BBC3: variants seen among roughly 807,000 people sequenced by gnomAD.
BBC3 encodes bcl-2-binding component 3.
In BBC3, 5 loss-of-function variants were observed where a neutral mutation model predicts 18.2. The observed-to-expected ratio is 0.27, with a 90% CI of 0.14 to 0.58. BBC3 has a LOEUF of 0.58. BBC3 is among the 20% of genes least tolerant of loss of function. The probability of loss-of-function intolerance (pLI) is 0.91; values close to 1 mark genes in which losing one functional copy is unlikely to be tolerated. For missense variants in BBC3, 224 were observed against 268.9 expected (o/e 0.83, Z 1.17); for synonymous variants, 119 against 128.0 (o/e 0.93, Z 0.47).
intron 3 of BBC3, among the ~76,000 whole-genome samples, chr19:47,225,925 T>C (rs2058811236): frequency 1.3e-5 from 2 of 152,218 alleles, no homozygotes; most frequent in Admixed American, 6.5e-5. Context: ...CATGCGTTTC[T>C]GCGGTTTTGT....
rs193069320 is a variant in BBC3 at position 47,227,833 on chromosome 19, G to A, written c.274+325C>T. 2.0e-5 allele frequency among the ~76,000 whole-genome samples: 3 copies of A among 152,296 alleles called. No individual in the cohort carries two copies. The East Asian group carries it at 5.8e-4, about 29-fold the overall frequency. ...GCTCGGCCCACTCTCCCTGCAACAG[G>A]AATCCTCCAGGGGGTCTAGAGGACC... On this transcript the variant is annotated intron_variant, in intron 2 of 3. Transcript: ENST00000439096.
rs769350616 is a variant in BBC3 at position 47,230,756 on chromosome 19, C to T, written c.-16+173G>A. 1 of 985,208 alleles carries T rather than the reference C, an allele frequency of 1.0e-6. No individual in the cohort carries two copies. Among genetic ancestry groups the T allele is most frequent in the South Asian group, 4.7e-5 (1 of 21,292 alleles). The allele number at this position is 985,208 out of a possible 1,614,324, so 61.0% of individuals were successfully genotyped here. A position where few individuals can be genotyped will look rare whatever the true frequency, so the allele number is the denominator to read the frequency against. On this transcript the variant is annotated intron_variant, in intron 1 of 3. Transcript: ENST00000439096. This position sits in a 1 kb window ranked among gnomAD's most constrained non-coding sequence, Gnocchi z 6.7. ...CCAGACCGGCGCCCCAACGCCGAGC[C>T]GCCTCTCACCCGGCGACCCTGGCCC...
intron 2 of BBC3, among the ~76,000 whole-genome samples, chr19:47,227,784 GA>G (rs2058854561): frequency 3.9e-5 from 6 of 152,112 alleles, no homozygotes; most frequent in Non-Finnish European, 8.8e-5. Context: ...CCCCTCCCCA[GA>G]GGCCAGAGTT....
chr19:47,227,355 C>T (rs558729814), intron 2 of BBC3, among the ~76,000 whole-genome samples: 4 of 150,626 alleles, frequency 2.7e-5, no homozygotes, highest in African/African-American at 9.7e-5. Flanking sequence ...GAGGCTCCTG[C>T]CCTCCCGTCC....
At position 47,228,777 on chromosome 19, in the gene BBC3, C is replaced by G. The variant is rs2058873569; in HGVS notation, c.-15-331G>C. On this transcript the variant is annotated intron_variant, in intron 1 of 3. Transcript: ENST00000439096. The surrounding 1 kb of genome is among the most constrained non-coding windows in gnomAD (Gnocchi z 5.5). ...GGCTGTGACAGTCCCACAACACAAA[C>G]TCACTCCACTTGGGACTCACAGCAT... Among the ~76,000 whole-genome samples, 1 of 152,026 alleles carries G rather than the reference C, an allele frequency of 6.6e-6. No homozygotes were observed.
chr19:47,231,373 G>A (rs2058913877), upstream of BBC3, among the ~76,000 whole-genome samples: 1 of 152,028 alleles, frequency 6.6e-6, no homozygotes, highest in Admixed American at 6.5e-5. This position sits in a 1 kb window ranked among gnomAD's most constrained non-coding sequence, Gnocchi z 4.0. Context: ...CTCCGCGCCG[G>A]GGGTTTCCCT....
rs1173846661 is a variant in BBC3, at chr19:47,231,087, T to G, written c.-174A>C. 10 of 965,780 alleles carry G rather than the reference T, an allele frequency of 1.0e-5. No individual in the cohort carries two copies. The African/African-American group carries it at 1.6e-4, about 15-fold the overall frequency. 59.8% of individuals were successfully genotyped at this position (965,780 alleles called of 1,614,324 possible). ...CAGTGGCGGCTGCTGTGGCTGTGGC[T>G]GCTGCTGCTCCCCGGGCCGCAGGCG... is the stretch of plus-strand genomic sequence containing the variant. On this transcript the variant is annotated 5_prime_UTR_variant, in exon 1 of 4. Transcript: ENST00000439096. The surrounding 1 kb of genome is among the most constrained non-coding windows in gnomAD (Gnocchi z 4.0).
rs1364809309 is a variant in BBC3, at chr19:47,228,795, C to CA, written c.-15-350dup. Among the ~76,000 whole-genome samples the CA allele has an allele frequency of 1.3e-5, 2 of 151,910 alleles. No individual in the cohort carries two copies. Among genetic ancestry groups the CA allele is most frequent in the African/African-American group, 4.8e-5 (2 of 41,314 alleles). ...ACACAAACTCACTCCACTTGGGACTCACAGCATGGGCTGGTGGGGACAACT... is the reference window on the plus strand; with the variant it reads ...ACACAAACTCACTCCACTTGGGACTCAACAGCATGGGCTGGTGGGGACAACT... On this transcript the variant is annotated intron_variant, in intron 1 of 3. Transcript: ENST00000439096. The surrounding 1 kb of genome is among the most constrained non-coding windows in gnomAD (Gnocchi z 5.5).
intron 3 of BBC3, among the ~76,000 whole-genome samples, chr19:47,225,776 C>G (rs2058808663): frequency 6.6e-6 from 1 of 152,124 alleles, no homozygotes; most frequent in Admixed American, 6.6e-5. Flanking sequence ...TAAGAATGCT[C>G]CATGATTCTA....
Position 47,230,678 on chromosome 19 carries a change from C to T in BBC3, c.-16+251G>A. 2 of 958,140 alleles carry T rather than the reference C, an allele frequency of 2.1e-6. No homozygotes were observed. Among genetic ancestry groups the T allele is most frequent in the Non-Finnish European group, 2.5e-6 (2 of 805,162 alleles). 59.4% of individuals were successfully genotyped at this position (958,140 alleles called of 1,614,324 possible). A position where few individuals can be genotyped will look rare whatever the true frequency, so the allele number is the denominator to read the frequency against. Reference sequence around the variant, plus strand: ...GGCCGCCAGGGGGCGCTGCCGAGCCCGCACCCCATTGTTTGTAAACAAACC... The same window carrying T: ...GGCCGCCAGGGGGCGCTGCCGAGCCTGCACCCCATTGTTTGTAAACAAACC... On this transcript the variant is annotated intron_variant, in intron 1 of 3. Coordinates refer to ENST00000439096, the MANE Select transcript of BBC3 (RefSeq NM_014417.5). This position sits in a 1 kb window ranked among gnomAD's most constrained non-coding sequence, Gnocchi z 6.7.
At chr19:47,231,995 C>T (rs761700391), upstream of BBC3, among the ~76,000 whole-genome samples, 11 of 152,240 alleles carry the variant, frequency 7.2e-5, no homozygotes, top group Non-Finnish European at 1.6e-4. This position sits in a 1 kb window ranked among gnomAD's most constrained non-coding sequence, Gnocchi z 4.0. Flanking sequence ...CCAAATCACA[C>T]TCCCACAGGG....
chr19:47,226,733 A>T lies in BBC3; in HGVS notation c.296T>A (p.Leu99Gln), dbSNP rs2058829948. ...RPDGPQPSLS[L>Q]AEQHLESPVP... ...GGGCGACTCCAGGTGCTGCTCCGCC[A>T]GCGAGAGCGAGGGCTGAGGACCTTG... The change falls in exon 3 of 4, where the codon CTG becomes CAG. Residue 99 changes from leucine to glutamine, a missense_variant. Transcript: ENST00000439096. 5 of 1,411,940 alleles carry T rather than the reference A, an allele frequency of 3.5e-6. No homozygotes were observed. Among genetic ancestry groups the T allele is most frequent in the Non-Finnish European group, 4.6e-6 (5 of 1,088,022 alleles). The allele number at this position is 1,411,940 out of a possible 1,614,324, so 87.5% of individuals were successfully genotyped here.
chr19:47,227,197 C>T (rs1200305582), intron 2 of BBC3: 1 of 154,330 alleles, frequency 6.5e-6, no homozygotes, highest in African/African-American at 2.4e-5. Flanking sequence ...TCGTGTCCAA[C>T]CACAGGGAAG....
Position 47,230,798 on chromosome 19 carries a change from T to C in BBC3, c.-16+131A>G, listed in dbSNP as rs968461505. Reference sequence around the variant, plus strand: ...CCCTGGCCCAGGGTCCCTCGCGGGGTTTGGAGAGGCGCGGTGTGGGGAGGC... The same window carrying C: ...CCCTGGCCCAGGGTCCCTCGCGGGGCTTGGAGAGGCGCGGTGTGGGGAGGC... On this transcript the variant is annotated intron_variant, in intron 1 of 3. Transcript: ENST00000439096. This position sits in a 1 kb window ranked among gnomAD's most constrained non-coding sequence, Gnocchi z 6.7. 1.0e-6 allele frequency: 1 copy of C among 984,016 alleles called. No individual in the cohort carries two copies. Among genetic ancestry groups the C allele is most frequent in the Non-Finnish European group, 1.2e-6 (1 of 829,468 alleles). The allele number at this position is 984,016 out of a possible 1,614,324, so 61.0% of individuals were successfully genotyped here.
chr19:47,225,359 T>C lies in BBC3; in HGVS notation c.465+1205A>G, dbSNP rs570124691. ...CACTGCACCAGGCCGAAAATGGCTG[T>C]ATTTGTTGTTTCTTTTTTGAGATGG... On this transcript the variant is annotated intron_variant, in intron 3 of 3. Coordinates refer to ENST00000439096, the MANE Select transcript of BBC3 (RefSeq NM_014417.5). Among the ~76,000 whole-genome samples, 7 of 148,732 alleles carry C rather than the reference T, an allele frequency of 4.7e-5. No homozygotes were observed. In the South Asian group the frequency reaches 8.5e-4, roughly 18 times the overall value.
At chr19:47,227,532 G>T (rs1370510910) in intron 2 of BBC3, among the ~76,000 whole-genome samples, 8 of 152,118 alleles carry the variant, frequency 5.3e-5, no homozygotes, top group Non-Finnish European at 1.0e-4. Flanking sequence ...ACAAGATGGG[G>T]GATGGGAAAC....
upstream of BBC3, among the ~76,000 whole-genome samples, chr19:47,232,267 C>T (rs1186167800): frequency 1.3e-5 from 2 of 152,238 alleles, no homozygotes; most frequent in Non-Finnish European, 2.9e-5. Context: ...AGGAGAACTG[C>T]TTGAACCCGG....
At chr19:47,223,111 A>C (rs890985222) in intron 3 of BBC3, among the ~76,000 whole-genome samples, 1 of 151,326 alleles carries the variant, frequency 6.6e-6, no homozygotes, top group African/African-American at 2.4e-5. Flanking sequence ...TCTACTAAAA[A>C]TACAAAAAAA....
rs1600249723 is a variant in BBC3, at chr19:47,228,518, G to A, written c.-15-72C>T. On this transcript the variant is annotated intron_variant, in intron 1 of 3. Coordinates refer to ENST00000439096, the MANE Select transcript of BBC3 (RefSeq NM_014417.5). This position sits in a 1 kb window ranked among gnomAD's most constrained non-coding sequence, Gnocchi z 5.5. ...CCCACTGTACCTCCAGCCTACCCGG[G>A]GTTAGGACCCAGATGGAGAAGAGTG... The A allele has an allele frequency of 8.3e-7, 1 of 1,208,722 alleles. No homozygotes were observed. Among genetic ancestry groups the A allele is most frequent in the Admixed American group, 4.3e-5 (1 of 23,486 alleles). 74.9% of individuals were successfully genotyped at this position (1,208,722 alleles called of 1,614,324 possible).
Sources: allele counts gnomAD v4.1 joint callset (sites outside exome capture counted in the v4.1 genomes callset), GRCh38; gene constraint gnomAD v4.1.1; non-coding constraint Gnocchi (gnomAD v3.1); transcripts MANE v1.5; gene names NCBI Gene and HGNC (gene_info 2026-07-23, HGNC 2026-07-21).